KLHL29: variants seen among roughly 807,000 people sequenced by gnomAD.
KLHL29 encodes the protein kelch like family member 29, also known as kelch-like protein 29.
KLHL29 carries 21 observed loss-of-function variants against 80.4 expected under a neutral mutation model. That is an observed-to-expected ratio of 0.26 (90% CI 0.19 to 0.38). KLHL29 has a LOEUF of 0.38. Among genes scored for constraint, KLHL29 ranks in the 10% least tolerant of loss-of-function variants. KLHL29 has a pLI of 1.00. For missense variants in KLHL29, 867 were observed against 1,223.9 expected (o/e 0.71, Z 4.35); for synonymous variants, 511 against 526.8 (o/e 0.97, Z 0.41).
chr2:23,500,287 G>T (rs557309260), intron 2 of KLHL29, among the ~76,000 whole-genome samples: 10 of 152,310 alleles, frequency 6.6e-5, no homozygotes, highest in Admixed American at 3.9e-4. Context: ...TGAGATGTCT[G>T]GAAGGAGTAC....
At chr2:23,574,506 A>C (rs1289665429) in intron 3 of KLHL29, among the ~76,000 whole-genome samples, 2 of 152,138 alleles carry the variant, frequency 1.3e-5, no homozygotes, top group Non-Finnish European at 2.9e-5. Context: ...TGGTTCGTGG[A>C]GACAAAAGGT....
At chr2:23,454,216 G>A (rs906610602) in intron 1 of KLHL29, among the ~76,000 whole-genome samples, 2 of 152,050 alleles carry the variant, frequency 1.3e-5, no homozygotes, top group Non-Finnish European at 2.9e-5. Flanking sequence ...GAGAAAGCTG[G>A]GCCCCTGACC....
intron 5 of KLHL29, among the ~76,000 whole-genome samples, chr2:23,677,002 A>G (rs926433261): frequency 2.9e-4 from 44 of 152,380 alleles, no homozygotes; most frequent in African/African-American, 1.1e-3. Context: ...CCAAGCTGGC[A>G]GCCACCTCTG....
intron 1 of KLHL29, among the ~76,000 whole-genome samples, chr2:23,434,876 C>T (rs1366548228): frequency 6.6e-6 from 1 of 152,110 alleles, no homozygotes; most frequent in Non-Finnish European, 1.5e-5. Context: ...CTGTGCCTGT[C>T]AAAGCCTGAG....
Position 23,455,983 on chromosome 2 carries a change from T to C in KLHL29, c.-153-19577T>C, listed in dbSNP as rs1328719506. 2.0e-5 allele frequency among the ~76,000 whole-genome samples: 3 copies of C among 152,046 alleles called. No individual in the cohort carries two copies. In the East Asian group the frequency reaches 5.8e-4, roughly 29 times the overall value. The stretch of plus-strand genomic sequence containing the variant: ...ATGTGCATGCAAAGAGGAAAGACTG[T>C]GTGAGGACTTCGTGAGAAAGCGGCC... On this transcript the variant is annotated intron_variant, in intron 1 of 13. Coordinates refer to ENST00000486442, the MANE Select transcript of KLHL29 (RefSeq NM_052920.2).
intron 2 of KLHL29, among the ~76,000 whole-genome samples, chr2:23,516,544 G>A (rs1665934900): frequency 6.6e-6 from 1 of 152,154 alleles, no homozygotes; most frequent in Non-Finnish European, 1.5e-5. Context: ...TTGTGCCATG[G>A]CGCAGCAAGC....
At chr2:23,614,987 C>T (rs1668966217) in intron 3 of KLHL29, among the ~76,000 whole-genome samples, 1 of 152,240 alleles carries the variant, frequency 6.6e-6, no homozygotes, top group South Asian at 2.1e-4. Flanking sequence ...AACAAGACTC[C>T]TCCAAAGCCC....
intron 1 of KLHL29, among the ~76,000 whole-genome samples, chr2:23,464,416 G>C (rs899754110): frequency 3.3e-5 from 5 of 152,294 alleles, no homozygotes; most frequent in East Asian, 3.9e-4. Context: ...CTGCCTTCGG[G>C]GGGGATAACT....
At chr2:23,670,931 T>G (rs954046667) in intron 5 of KLHL29, among the ~76,000 whole-genome samples, 33 of 8,140 alleles carry the variant, frequency 4.1e-3, no homozygotes, top group Admixed American at 0.011. Flanking sequence ...TCTCTCTCTC[T>G]CTCTCTCTCT....
intron 2 of KLHL29, among the ~76,000 whole-genome samples, chr2:23,496,460 G>T (rs1325004140): frequency 1.3e-5 from 2 of 152,128 alleles, no homozygotes; most frequent in African/African-American, 4.8e-5. Flanking sequence ...TATGCAGAAA[G>T]AGCACAGCCC....
chr2:23,549,311 A>G (rs941687764), intron 2 of KLHL29, among the ~76,000 whole-genome samples: 2 of 152,140 alleles, frequency 1.3e-5, no homozygotes, highest in African/African-American at 4.8e-5. Context: ...AGGCAACAAA[A>G]TCTATGTTTC....
At chr2:23,547,992 G>A (rs1258638524) in intron 2 of KLHL29, among the ~76,000 whole-genome samples, 1 of 152,176 alleles carries the variant, frequency 6.6e-6, no homozygotes, top group Non-Finnish European at 1.5e-5. Flanking sequence ...TGTGTGCGTG[G>A]CCACATCCTT....
chr2:23,643,320 A>T, intron 5 of KLHL29: 1 of 304,228 alleles, frequency 3.3e-6, no homozygotes. Flanking sequence ...CTGTCGTGCC[A>T]TCGGATGAGA....
intron 2 of KLHL29, among the ~76,000 whole-genome samples, chr2:23,502,057 G>C (rs1426213750): frequency 6.6e-6 from 1 of 152,190 alleles, no homozygotes; most frequent in Non-Finnish European, 1.5e-5. Context: ...TGCTGTTGCT[G>C]TGTAGCCAGG....
chr2:23,695,182 G>A lies in KLHL29; in HGVS notation c.1543-441G>A, dbSNP rs1319663819. ...GCTGAGACTTACAAGCTCAATAGTC[G>A]CCATCTCCTTGAAGCTTTCCTGGGT... On this transcript the variant is annotated intron_variant, in intron 8 of 13. Transcript: ENST00000486442. The surrounding 1 kb of genome is among the most constrained non-coding windows in gnomAD (Gnocchi z 7.6). Among the ~76,000 whole-genome samples the A allele has an allele frequency of 3.9e-5, 6 of 152,050 alleles. No individual in the cohort carries two copies. Among genetic ancestry groups the A allele is most frequent in the East Asian group, 1.9e-4 (1 of 5,192 alleles).
chr2:23,455,851 A>G (rs1169568475), intron 1 of KLHL29, among the ~76,000 whole-genome samples: 6 of 152,114 alleles, frequency 3.9e-5, no homozygotes, highest in Non-Finnish European at 2.9e-5. Flanking sequence ...CTAATTCCCA[A>G]TCCCTCAGAA....
chr2:23,462,501 C>A (rs1664242933), intron 1 of KLHL29, among the ~76,000 whole-genome samples: 1 of 152,198 alleles, frequency 6.6e-6, no homozygotes, highest in African/African-American at 2.4e-5. Flanking sequence ...TTCTAGGCTT[C>A]TTCCTATAAT....
In KLHL29 at chr2:23,650,086, G is replaced by A. The variant is rs543148012; in HGVS notation, c.940+7236G>A. Among the ~76,000 whole-genome samples, 179 of 152,358 alleles carry A rather than the reference G, an allele frequency of 1.2e-3. 1 individual carries two copies. The highest frequency in any genetic ancestry group is 2.1e-3 in the Non-Finnish European group (140 of 68,040). ...GGGTGCCAACTGCATGCCCCACGTG[G>A]TCTGGGTTCCTGTGCACATGAGGCC... On this transcript the variant is annotated intron_variant, in intron 5 of 13. Coordinates refer to ENST00000486442, the MANE Select transcript of KLHL29 (RefSeq NM_052920.2).
chr2:23,455,323 G>A (rs17045393), intron 1 of KLHL29, among the ~76,000 whole-genome samples: 33,723 of 152,002 alleles, frequency 0.22, 5,294 homozygotes, highest in African/African-American at 0.44. Context: ...GTTACACCTC[G>A]TGCCTAAAAT....
Sources: gnomAD v4.1 joint callset for allele counts (sites outside exome capture counted in the v4.1 genomes callset) on GRCh38, gnomAD v4.1.1 for gene constraint, Gnocchi (gnomAD v3.1) non-coding constraint, MANE v1.5 for transcripts, NCBI Gene and HGNC (gene_info 2026-07-23, HGNC 2026-07-21) for gene names.